The following SPAG16 variants were observed in gnomAD, a reference collection of about 807,000 sequenced individuals.
SPAG16 encodes sperm-associated antigen 16 protein.
Under a neutral mutation model 80.4 loss-of-function variants are expected in SPAG16, and 86 were observed. The observed-to-expected ratio is 1.07, with a 90% confidence interval of 0.90 to 1.28. The LOEUF (loss-of-function observed/expected upper bound fraction) is 1.28. Ranked by LOEUF, SPAG16 falls within the 50% of genes most tolerant of loss-of-function variation. The pLI is 0.00. For synonymous variants in SPAG16, 294 were observed against 265.9 expected (o/e 1.11, Z -1.03); for missense variants, 870 against 765.3 (o/e 1.14, Z -1.61).
intron 11 of SPAG16, among the ~76,000 whole-genome samples, chr2:213,878,837 T>C (rs751470071): frequency 6.6e-6 from 1 of 152,074 alleles, no homozygotes; most frequent in African/African-American, 2.4e-5. Flanking sequence ...TGGTGGGAGA[T>C]AGGGGTCCAG....
chr2:213,481,035 G>A (rs1295227832), intron 9 of SPAG16, among the ~76,000 whole-genome samples: 1 of 152,150 alleles, frequency 6.6e-6, no homozygotes, highest in Non-Finnish European at 1.5e-5. Context: ...GCCAACTAAA[G>A]AATATATTAG....
At chr2:213,467,044 G>A (rs982599394) in intron 9 of SPAG16, among the ~76,000 whole-genome samples, 7 of 152,296 alleles carry the variant, frequency 4.6e-5, no homozygotes, top group Admixed American at 2.6e-4. Flanking sequence ...CAGATATATC[G>A]GAACCACAGC....
Position 214,328,194 on chromosome 2 carries a change from C to T in SPAG16, c.1721-81946C>T, listed in dbSNP as rs577389902. On this transcript the variant is annotated intron_variant, in intron 15 of 15. Transcript: ENST00000331683. ...TTTTTGAGATGGAGTCTCACTCTGT[C>T]GCCTAGGCTGGAATGCAGTGGTGCG... 2.2e-4 allele frequency among the ~76,000 whole-genome samples: 33 copies of T among 150,388 alleles called. No homozygotes were observed. The East Asian group carries it at 4.1e-3, about 19-fold the overall frequency.
At chr2:213,713,132 A>G (rs181507364) in intron 10 of SPAG16, among the ~76,000 whole-genome samples, 16 of 152,160 alleles carry the variant, frequency 1.1e-4, no homozygotes, top group Non-Finnish European at 2.1e-4. Flanking sequence ...AGCATGGGGG[A>G]ACCGCCCCCA....
At chr2:213,659,114 A>G (rs1559351693) in intron 10 of SPAG16, among the ~76,000 whole-genome samples, 1 of 152,188 alleles carries the variant, frequency 6.6e-6, no homozygotes, top group Non-Finnish European at 1.5e-5. Context: ...TTTGTGCATT[A>G]TTGTGTATTC....
chr2:213,587,560 C>G (rs1382284773), intron 10 of SPAG16, among the ~76,000 whole-genome samples: 1 of 152,148 alleles, frequency 6.6e-6, no homozygotes, highest in Non-Finnish European at 1.5e-5. Context: ...CTTTCATTGT[C>G]CTGATGAATA....
At chr2:213,401,987 AT>A (rs1346221675) in intron 9 of SPAG16, among the ~76,000 whole-genome samples, 3 of 152,042 alleles carry the variant, frequency 2.0e-5, no homozygotes, top group African/African-American at 7.2e-5. Flanking sequence ...ATTTACATAT[AT>A]TTTTGTCTGG....
At chr2:213,575,071 G>T (rs2060077018) in intron 10 of SPAG16, among the ~76,000 whole-genome samples, 1 of 151,980 alleles carries the variant, frequency 6.6e-6, no homozygotes. Flanking sequence ...TTCTCCCACA[G>T]ACTAAAACTC....
Position 213,592,256 on chromosome 2 carries a change from T to C in SPAG16, c.1070+102166T>C, listed in dbSNP as rs569191068. Among the ~76,000 whole-genome samples, 269 of 152,284 alleles carry C rather than the reference T, an allele frequency of 1.8e-3. 1 individual carries two copies. Among genetic ancestry groups the C allele is most frequent in the African/African-American group, 6.3e-3 (261 of 41,566 alleles). On this transcript the variant is annotated intron_variant, in intron 10 of 15. Transcript: ENST00000331683. The stretch of plus-strand genomic sequence containing the variant: ...TTAAAAACAATCACATGCACACACA[T>C]AATGATAAAGTAGATCTACCTGCTT...
chr2:214,233,444 T>C (rs866022945), intron 15 of SPAG16, among the ~76,000 whole-genome samples: 4 of 151,882 alleles, frequency 2.6e-5, no homozygotes, highest in African/African-American at 9.7e-5. Flanking sequence ...TTAAAATCAA[T>C]AAAACTAGGA....
chr2:213,965,124 A>G (rs190831826), intron 12 of SPAG16, among the ~76,000 whole-genome samples: 4 of 152,248 alleles, frequency 2.6e-5, no homozygotes, highest in African/African-American at 7.2e-5. Flanking sequence ...GACTGTTCCA[A>G]TGCAGTCTGT....
rs749150538 is a variant in SPAG16 at position 214,108,262 on chromosome 2, G to T, written c.1593+1G>T. On this transcript the variant is annotated splice_donor_variant, in intron 14 of 15. Transcript: ENST00000331683. LOFTEE classifies it high-confidence loss of function. The stretch of plus-strand genomic sequence containing the variant: ...CAATGATGCCATTTTTGATCCCAGG[G>T]TAAGTTCAGTTCTCCCAGTAAACTG... 6 of 1,602,316 alleles carry T rather than the reference G, an allele frequency of 3.7e-6. No homozygotes were observed. The highest frequency in any genetic ancestry group is 2.7e-5 in the African/African-American group (2 of 74,646).
At chr2:213,890,515 G>A (rs2076745024) in intron 11 of SPAG16, among the ~76,000 whole-genome samples, 1 of 151,872 alleles carries the variant, frequency 6.6e-6, no homozygotes, top group Non-Finnish European at 1.5e-5. Context: ...TGTTTCCATT[G>A]TTTGCTTTCT....
intron 11 of SPAG16, among the ~76,000 whole-genome samples, chr2:213,874,549 T>C (rs2076071462): frequency 6.6e-6 from 1 of 152,136 alleles, no homozygotes; most frequent in Non-Finnish European, 1.5e-5. Context: ...TAATATGTAA[T>C]ATACCCTTAA....
At chr2:213,561,796 A>G (rs1575980925) in intron 10 of SPAG16, among the ~76,000 whole-genome samples, 1 of 152,312 alleles carries the variant, frequency 6.6e-6, no homozygotes, top group East Asian at 1.9e-4. Context: ...TTTGTTGTAT[A>G]ACTAATGTAC....
intron 10 of SPAG16, among the ~76,000 whole-genome samples, chr2:213,790,566 T>C (rs1454393095): frequency 4.6e-5 from 7 of 151,984 alleles, no homozygotes; most frequent in Non-Finnish European, 1.0e-4. Context: ...ATATTAATAT[T>C]AGTCTTCTAA....
At chr2:213,654,039 G>T (rs932689261) in intron 10 of SPAG16, among the ~76,000 whole-genome samples, 1 of 152,104 alleles carries the variant, frequency 6.6e-6, no homozygotes, top group African/African-American at 2.4e-5. Context: ...TATAGAAATT[G>T]ATAGACTACA....
chr2:214,067,773 G>A (rs184164939), intron 13 of SPAG16, among the ~76,000 whole-genome samples: 3 of 152,078 alleles, frequency 2.0e-5, no homozygotes, highest in East Asian at 1.9e-4. Flanking sequence ...GCTATCAAAC[G>A]TCCTAAGTAA....
intron 7 of SPAG16, among the ~76,000 whole-genome samples, chr2:213,355,115 T>C (rs2065560388): frequency 6.6e-6 from 1 of 152,196 alleles, no homozygotes; most frequent in Non-Finnish European, 1.5e-5. Context: ...ATTTATCAAA[T>C]AGGGAATCCT....
Sources: gnomAD v4.1 joint callset for allele counts (sites outside exome capture counted in the v4.1 genomes callset) on GRCh38, gnomAD v4.1.1 for gene constraint, MANE v1.5 for transcripts, NCBI Gene and HGNC (gene_info 2026-07-23, HGNC 2026-07-21) for gene names.